Variants in CDKL3 observed in about 807,000 individuals in gnomAD.
The protein encoded by CDKL3 is cyclin dependent kinase like 3.
Under a neutral mutation model 69.3 loss-of-function variants are expected in CDKL3, and 65 were observed. That is an observed-to-expected ratio of 0.94 (90% CI 0.77 to 1.15). The LOEUF (loss-of-function observed/expected upper bound fraction) is 1.15, where lower values mean the gene tolerates loss of function less well. Ranked by LOEUF, CDKL3 falls within the 50% of genes most tolerant of loss-of-function variation. The probability of loss-of-function intolerance (pLI) is 0.00; values close to 1 mark genes in which losing one functional copy is unlikely to be tolerated. For synonymous variants in CDKL3, 202 were observed against 221.6 expected, an observed-to-expected ratio of 0.91 and a Z score of 0.79; for missense variants, 652 against 689.2, an observed-to-expected ratio of 0.95 and a Z score of 0.61.
chr5:134,326,829 A>ATGTGTGTGTG lies in CDKL3; in HGVS notation c.540-4927_540-4926insCACACACACA, dbSNP rs780866668. On this transcript the variant is annotated intron_variant, in intron 4 of 12. Transcript: ENST00000265334. ...TATATATGTGTGTGTATATATATAT[A>ATGTGTGTGTG]TATATATATATATATATATATATAT... 6.6e-4 allele frequency among the ~76,000 whole-genome samples: 57 copies of ATGTGTGTGTG among 86,264 alleles called. 1 individual carries two copies. In the South Asian group the frequency reaches 0.013, roughly 20 times the overall value. 56.6% of individuals were successfully genotyped at this position (86,264 alleles called of 152,430 possible). A position where few individuals can be genotyped will look rare whatever the true frequency, so the allele number is the denominator to read the frequency against.
intron 9 of CDKL3, among the ~76,000 whole-genome samples, chr5:134,306,910 A>G (rs1448747385): frequency 6.6e-6 from 1 of 151,970 alleles, no homozygotes; most frequent in Non-Finnish European, 1.5e-5. Context: ...GTGCTCCAAC[A>G]TGCCCAACTA....
At chr5:134,363,516 A>G (rs140120152) in intron 2 of CDKL3, among the ~76,000 whole-genome samples, 19,206 of 142,594 alleles carry the variant, frequency 0.13, 1,540 homozygotes, top group African/African-American at 0.22. Context: ...ACTGGAGTGC[A>G]GTGGCGCAAT....
downstream of CDKL3, among the ~76,000 whole-genome samples, chr5:134,295,224 G>C (rs148642773): frequency 1.3e-5 from 2 of 151,842 alleles, no homozygotes; most frequent in African/African-American, 4.8e-5. Context: ...CACCATGTTG[G>C]CCAGGCTGCT....
intron 2 of CDKL3, among the ~76,000 whole-genome samples, chr5:134,362,529 T>C (rs139560386): frequency 6.6e-6 from 1 of 151,992 alleles, no homozygotes; most frequent in Non-Finnish European, 1.5e-5. Context: ...AAAAAAAAAG[T>C]AATTTGAATT....
At chr5:134,367,273 C>T (rs1174358638), upstream of CDKL3, 2 of 983,844 alleles carry the variant, frequency 2.0e-6, no homozygotes, top group Non-Finnish European at 2.4e-6. Context: ...TGGAAGAGTG[C>T]TGTGCTTGGG....
chr5:134,315,017 G>A (rs933589528), intron 6 of CDKL3, among the ~76,000 whole-genome samples: 1 of 152,006 alleles, frequency 6.6e-6, no homozygotes, highest in African/African-American at 2.4e-5. Flanking sequence ...ACATTGTTTA[G>A]AAAATTTATA....
intron 4 of CDKL3, among the ~76,000 whole-genome samples, chr5:134,330,279 T>G (rs1775456471): frequency 6.6e-6 from 1 of 152,302 alleles, no homozygotes; most frequent in South Asian, 2.1e-4. Context: ...AAATCAGGAC[T>G]TTAAGGTAGA....
intron 4 of CDKL3, among the ~76,000 whole-genome samples, chr5:134,324,182 A>G (rs980458700): frequency 2.0e-5 from 3 of 152,246 alleles, no homozygotes; most frequent in Non-Finnish European, 4.4e-5. Flanking sequence ...AATCCAAAAT[A>G]CTGACAACAT....
chr5:134,321,503 A>G (rs1383851691), intron 5 of CDKL3, among the ~76,000 whole-genome samples: 2 of 152,194 alleles, frequency 1.3e-5, no homozygotes, highest in African/African-American at 4.8e-5. Context: ...GCCTAATTTA[A>G]AAACAACTTT....
At chr5:134,343,097 C>A (rs1280709987) in intron 4 of CDKL3, among the ~76,000 whole-genome samples, 2 of 151,040 alleles carry the variant, frequency 1.3e-5, no homozygotes, top group African/African-American at 4.9e-5. Flanking sequence ...CCCAACTACT[C>A]AGGAGGCTGA....
At chr5:134,360,116 AT>A in intron 2 of CDKL3, 25 bp from the exon 3 acceptor site, 2 of 1,438,338 alleles carry the variant, frequency 1.4e-6, no homozygotes, top group Non-Finnish European at 1.9e-6. Flanking sequence ...AACAACACAA[AT>A]TTTTAATTAT....
rs1193414602 is a variant in CDKL3, at chr5:134,324,938, G to A, written c.540-3035C>T. Among the ~76,000 whole-genome samples the A allele has an allele frequency of 2.5e-4, 38 of 152,150 alleles. 2 individuals are homozygous for A. The highest frequency in any genetic ancestry group is 2.5e-3 in the Admixed American group (38 of 15,280). On this transcript the variant is annotated intron_variant, in intron 4 of 12. Coordinates refer to ENST00000265334, the MANE Select transcript of CDKL3 (RefSeq NM_001113575.2). ...GAGAAATGTGTGGAGTAGGGTGGAG[G>A]GGACATAAGGAAACTACACTTTCTG...
At chr5:134,368,511 C>T (rs1330303393), upstream of CDKL3, among the ~76,000 whole-genome samples, 1 of 147,798 alleles carries the variant, frequency 6.8e-6, no homozygotes, top group Non-Finnish European at 1.5e-5. Flanking sequence ...CCCAGCTACT[C>T]GGGAGGCGGA....
At chr5:134,345,052 G>A (rs1751509358) in intron 4 of CDKL3, among the ~76,000 whole-genome samples, 1 of 152,018 alleles carries the variant, frequency 6.6e-6, no homozygotes, top group African/African-American at 2.4e-5. Flanking sequence ...GCGACAGAGA[G>A]AGACTCTGTC....
intron 6 of CDKL3, among the ~76,000 whole-genome samples, chr5:134,314,528 A>G (rs749885301): frequency 6.6e-6 from 1 of 152,228 alleles, no homozygotes; most frequent in Non-Finnish European, 1.5e-5. Context: ...TTTATTTGTA[A>G]TAGCGAAAAG....
intron 8 of CDKL3, among the ~76,000 whole-genome samples, chr5:134,289,189 A>T (rs887275600): frequency 6.6e-6 from 1 of 150,798 alleles, no homozygotes; most frequent in Non-Finnish European, 1.5e-5. Flanking sequence ...AAAAAAGGAA[A>T]GAAAAAGAAA....
downstream of CDKL3, among the ~76,000 whole-genome samples, chr5:134,283,491 T>G (rs1305901002): frequency 6.6e-6 from 1 of 152,140 alleles, no homozygotes; most frequent in Non-Finnish European, 1.5e-5. Context: ...AACGCCCCCT[T>G]GTAATAACCA....
At chr5:134,371,497 G>GCGGCGGCGA (rs1758402814), upstream of CDKL3, 4 of 1,477,840 alleles carry the variant, frequency 2.7e-6, no homozygotes, top group Non-Finnish European at 3.6e-6. Flanking sequence ...GGCGGCGGCG[G>GCGGCGGCGA]CGGCGGCGAT....
At chr5:134,351,613 G>T (rs1753330268) in intron 3 of CDKL3, among the ~76,000 whole-genome samples, 1 of 151,916 alleles carries the variant, frequency 6.6e-6, no homozygotes, top group Non-Finnish European at 1.5e-5. Flanking sequence ...ACAGTATTAG[G>T]ACTACTGGCT....
Sources: gnomAD v4.1 joint callset for allele counts (sites outside exome capture counted in the v4.1 genomes callset) on GRCh38, gnomAD v4.1.1 for gene constraint, MANE v1.5 for transcripts, NCBI Gene and HGNC (gene_info 2026-07-23, HGNC 2026-07-21) for gene names.